Variants in ZFYVE16 observed in about 807,000 individuals in gnomAD.
ZFYVE16 encodes the protein zinc finger FYVE domain-containing protein 16.
A neutral mutation model predicts 138.1 loss-of-function variants in ZFYVE16; 89 were observed. That is an observed-to-expected ratio of 0.64 (90% CI 0.54 to 0.77). The LOEUF is 0.77. Among genes scored for constraint, ZFYVE16 ranks in the 30% least tolerant of loss-of-function variants. ZFYVE16 has a pLI of 0.00. For missense variants in ZFYVE16, 1,793 were observed against 1,786.7 expected (o/e 1.00, Z -0.06); for synonymous variants, 596 against 618.3 (o/e 0.96, Z 0.53).
intron 15 of ZFYVE16, among the ~76,000 whole-genome samples, chr5:80,468,140 C>G (rs537485919): frequency 6.6e-6 from 1 of 152,108 alleles, no homozygotes; most frequent in African/African-American, 2.4e-5. Flanking sequence ...ATCAACTTGT[C>G]AGGTTTACAA....
chr5:80,417,343 G>A (rs920708835), intron 1 of ZFYVE16, among the ~76,000 whole-genome samples: 1 of 152,132 alleles, frequency 6.6e-6, no homozygotes, highest in South Asian at 2.1e-4. Flanking sequence ...CAGTCTGCAT[G>A]CCAATCTAGG....
At chr5:80,419,825 T>A (rs1196425218) in intron 1 of ZFYVE16, among the ~76,000 whole-genome samples, 1 of 151,816 alleles carries the variant, frequency 6.6e-6, no homozygotes, top group Non-Finnish European at 1.5e-5. Flanking sequence ...TTGTTTTATT[T>A]TTTTGAGACA....
chr5:80,470,543 G>A lies in ZFYVE16; in HGVS notation c.4025-2218G>A, dbSNP rs189452904. ...ATTATTTTTTTTGAGACAGGATCTCGCTCTGTTGCCCAGGCTGGAGTGCAG... is the reference window on the plus strand; with the variant it reads ...ATTATTTTTTTTGAGACAGGATCTCACTCTGTTGCCCAGGCTGGAGTGCAG... On this transcript the variant is annotated intron_variant, in intron 15 of 18. Transcript: ENST00000505560. Among the ~76,000 whole-genome samples the A allele has an allele frequency of 3.2e-4, 48 of 150,916 alleles. 1 individual carries two copies. Among genetic ancestry groups the A allele is most frequent in the African/African-American group, 1.0e-3 (41 of 41,112 alleles).
rs1242340466 is a variant in ZFYVE16 at position 80,457,064 on chromosome 5, C to T, written c.3915C>T (p.Ala1305=). 1 of 1,612,046 alleles carries T rather than the reference C, an allele frequency of 6.2e-7. No individual in the cohort carries two copies. The highest frequency in any genetic ancestry group is 1.7e-5 in the Admixed American group (1 of 59,640). The stretch of plus-strand genomic sequence containing the variant: ...ATGATGGAATTTATGAAACACAGGC[C>T]AACAGTGCCACTGGCCATCCTAGAA... ...IQNDGIYETQ[A]NSATGHPRKV... is the part of the protein sequence containing the mutation. The change falls in exon 14 of 19, where the codon GCC becomes GCT. Residue 1305 remains alanine, a synonymous_variant. Transcript: ENST00000505560.
At chr5:80,463,886 A>C (rs1178744037) in intron 15 of ZFYVE16, among the ~76,000 whole-genome samples, 2 of 152,204 alleles carry the variant, frequency 1.3e-5, no homozygotes, top group Non-Finnish European at 2.9e-5. Context: ...AAATTCTGCC[A>C]GTCTCTTTGC....
chr5:80,446,423 T>A (rs945220238), intron 7 of ZFYVE16, among the ~76,000 whole-genome samples: 2 of 152,120 alleles, frequency 1.3e-5, no homozygotes, highest in African/African-American at 4.8e-5. Flanking sequence ...TTATGAAAAA[T>A]TTTTTTCAGA....
At chr5:80,433,059 C>A (rs904557356) in intron 2 of ZFYVE16, among the ~76,000 whole-genome samples, 1 of 152,148 alleles carries the variant, frequency 6.6e-6, no homozygotes, top group Admixed American at 6.6e-5. Flanking sequence ...ACTAGAAATA[C>A]CATTTGACCC....
intron 1 of ZFYVE16, among the ~76,000 whole-genome samples, chr5:80,413,021 A>G (rs560664569): frequency 6.7e-6 from 1 of 149,058 alleles, no homozygotes; most frequent in Admixed American, 6.6e-5. Context: ...CAAAAAATAA[A>G]CAAAATTAGC....
At chr5:80,419,856 G>A (rs1377641857) in intron 1 of ZFYVE16, among the ~76,000 whole-genome samples, 2 of 151,954 alleles carry the variant, frequency 1.3e-5, no homozygotes, top group Non-Finnish European at 2.9e-5. Context: ...CTGTCACCCA[G>A]GCTGGAGTGC....
rs1755118043 is a variant in ZFYVE16, at chr5:80,478,632, AAAAG to A, written c.*1259_*1262del. 1 of 152,104 alleles carries A rather than the reference AAAAG, an allele frequency of 6.6e-6. No homozygotes were observed. Among genetic ancestry groups the A allele is most frequent in the African/African-American group, 2.4e-5 (1 of 41,442 alleles). 9.4% of individuals were successfully genotyped at this position (152,104 alleles called of 1,614,324 possible). On this transcript the variant is annotated 3_prime_UTR_variant, in exon 19 of 19. Coordinates refer to ENST00000505560, the MANE Select transcript of ZFYVE16 (RefSeq NM_001284236.3). The stretch of plus-strand genomic sequence containing the variant: ...TCAAAAACACTCATATATTTCAAGA[AAAAG>A]AAATTATGTTAAATAGCCCTGTTTT...
At chr5:80,435,933 AG>A (rs1749844457) in intron 3 of ZFYVE16, 1 of 195,664 alleles carries the variant, frequency 5.1e-6, no homozygotes, top group African/African-American at 2.4e-5. Context: ...TACATTCAAA[AG>A]TAAAATCCAG....
rs114845110 is a variant in ZFYVE16, at chr5:80,460,480, C to T, written c.4024+986C>T. On this transcript the variant is annotated intron_variant, in intron 15 of 18. Coordinates refer to ENST00000505560, the MANE Select transcript of ZFYVE16 (RefSeq NM_001284236.3). ...AATGTTTTTTATTTAAGAAATCTAT[C>T]ATACAGTTTCGAAAGATATTCTCCT... Among the ~76,000 whole-genome samples the T allele has an allele frequency of 5.7e-3, 863 of 152,220 alleles. 4 individuals carry two copies. The highest frequency in any genetic ancestry group is 0.02 in the African/African-American group (822 of 41,546).
intron 6 of ZFYVE16, among the ~76,000 whole-genome samples, chr5:80,443,624 A>G (rs1750969525): frequency 6.6e-6 from 1 of 152,204 alleles, no homozygotes; most frequent in Non-Finnish European, 1.5e-5. Flanking sequence ...GAGGCCTCAT[A>G]TAGTTGGTAC....
At position 80,480,788 on chromosome 5, in the gene ZFYVE16, G is replaced by T. The variant is rs1241043484; in HGVS notation, c.*3411G>T. Among the ~76,000 whole-genome samples the T allele has an allele frequency of 2.6e-5, 4 of 152,088 alleles. No individual in the cohort carries two copies. Among genetic ancestry groups the T allele is most frequent in the African/African-American group, 9.7e-5 (4 of 41,404 alleles). On this transcript the variant is annotated 3_prime_UTR_variant, in exon 19 of 19. Transcript: ENST00000505560. ...TAAAAAAATTTTGCCAGGTGTGGTG[G>T]CTCATACTTGTGGTCCCAGCTTCAC...
chr5:80,443,187 A>G lies in ZFYVE16; in HGVS notation c.2484A>G (p.Glu828=), dbSNP rs1371728836. 6.2e-7 allele frequency: 1 copy of G among 1,606,896 alleles called. No homozygotes were observed. The highest frequency in any genetic ancestry group is 1.3e-5 in the African/African-American group (1 of 74,356). Residue 828 remains glutamate, a synonymous_variant, in exon 6 of 19, where the codon GAA becomes GAG. Transcript: ENST00000505560. The part of the protein sequence containing the change: ...GSNLKSNHSD[E]CTTVQPPQEN... The stretch of plus-strand genomic sequence containing the variant: ...ATCTTAAGTCTAATCATTCTGATGA[A>G]TGTACTACTGTCCAGCCTCCTCAGG...
chr5:80,433,019 G>C (rs7710130), intron 2 of ZFYVE16, among the ~76,000 whole-genome samples: 4 of 152,030 alleles, frequency 2.6e-5, no homozygotes. Context: ...CATTGTGGAC[G>C]TCAGTGTGGC....
At chr5:80,430,554 C>T (rs1748846062) in intron 2 of ZFYVE16, among the ~76,000 whole-genome samples, 1 of 151,614 alleles carries the variant, frequency 6.6e-6, no homozygotes, top group African/African-American at 2.4e-5. Flanking sequence ...CAAACCCATT[C>T]AAAAGCTAGC....
At chr5:80,445,030 G>A (rs575789087) in intron 6 of ZFYVE16, among the ~76,000 whole-genome samples, 89 of 152,092 alleles carry the variant, frequency 5.9e-4, no homozygotes, top group Admixed American at 9.8e-4. Context: ...CCTTTTCATA[G>A]TATATGATTG....
chr5:80,463,254 C>T lies in ZFYVE16; in HGVS notation c.4024+3760C>T, dbSNP rs564312828. 2.1e-4 allele frequency among the ~76,000 whole-genome samples: 32 copies of T among 152,322 alleles called. No homozygotes were observed. In the South Asian group the frequency reaches 5.0e-3, roughly 24 times the overall value. ...TTCTGCCTGGACATCCAGGCATTTC[C>T]GTACATCCTCTGAAATCTAGGTGGA... On this transcript the variant is annotated intron_variant, in intron 15 of 18. Transcript: ENST00000505560.
Sources: gnomAD v4.1 joint callset for allele counts (sites outside exome capture counted in the v4.1 genomes callset) on GRCh38, gnomAD v4.1.1 for gene constraint, MANE v1.5 for transcripts, NCBI Gene and HGNC (gene_info 2026-07-23, HGNC 2026-07-21) for gene names.